The following LETM2 variants were observed in gnomAD, a reference collection of about 807,000 sequenced individuals.
The protein encoded by LETM2 is LETM1 domain-containing protein LETM2, mitochondrial.
LETM2 carries 58 observed loss-of-function variants against 59.6 expected under a neutral mutation model. The ratio of observed to expected loss-of-function variants is 0.97; its 90% CI spans 0.79 to 1.21. The LOEUF (loss-of-function observed/expected upper bound fraction) is 1.21, where lower values mean the gene tolerates loss of function less well. Among genes scored for constraint, LETM2 ranks in the 50% most tolerant of loss-of-function variants. The probability of loss-of-function intolerance (pLI) is 0.00; values close to 1 mark genes in which losing one functional copy is unlikely to be tolerated. For missense variants in LETM2, 572 were observed against 575.7 expected, an observed-to-expected ratio of 0.99 and a Z score of 0.07; for synonymous variants, 199 against 214.1, an observed-to-expected ratio of 0.93 and a Z score of 0.62.
In LETM2 at chr8:38,397,261, C is replaced by T. The variant is rs895600723; in HGVS notation, c.646-3011C>T. On this transcript the variant is annotated intron_variant, in intron 4 of 10. Coordinates refer to ENST00000379957, the MANE Select transcript of LETM2 (RefSeq NM_001286819.2). ...GCACAATCTTGGCTCACTGCAACCTCCGCCTCCCGGATGCAAGCAATTCTC... is the reference window on the plus strand; with the variant it reads ...GCACAATCTTGGCTCACTGCAACCTTCGCCTCCCGGATGCAAGCAATTCTC... The T allele has an allele frequency of 1.7e-5, 7 of 404,642 alleles. 1 individual carries two copies. The highest frequency in any genetic ancestry group is 3.4e-5 in the Non-Finnish European group (7 of 204,062). 25.1% of individuals were successfully genotyped at this position (404,642 alleles called of 1,614,324 possible). A position where few individuals can be genotyped will look rare whatever the true frequency, so the allele number is the denominator to read the frequency against.
chr8:38,394,315 C>A, intron 4 of LETM2, 74 bp downstream of exon 4: 1 of 814,218 alleles, frequency 1.2e-6, no homozygotes, highest in Non-Finnish European at 1.8e-6. Context: ...AAAACTTGGG[C>A]AGAAAGTACT....
In LETM2 at chr8:38,392,776, G is replaced by A; in HGVS notation, c.282G>A (p.Glu94=). 6.2e-7 allele frequency: 1 copy of A among 1,614,092 alleles called. No individual in the cohort carries two copies. The highest frequency in any genetic ancestry group is 8.5e-7 in the Non-Finnish European group (1 of 1,180,022). Residue 94 remains glutamate (E), a synonymous_variant, in exon 3 of 11, where the codon GAG becomes GAA. Transcript: ENST00000379957. ...LQEVPGKPQL[E]QATKHPQVTS... ...AAGTTCCTGGCAAACCTCAGCTGGA[G>A]CAAGCCACAAAACATCCACAGGTGA...
chr8:38,404,712 G>A, intron 8 of LETM2: 2 of 527,774 alleles, frequency 3.8e-6, no homozygotes, highest in Non-Finnish European at 6.8e-6. Flanking sequence ...AGGCACAGTG[G>A]CTTACGCCTG....
Position 38,408,282 on chromosome 8 carries a change from C to T in LETM2, c.*8C>T, listed in dbSNP as rs1813902951. On this transcript the variant is annotated 3_prime_UTR_variant, in exon 11 of 11. Transcript: ENST00000379957. ...AGTTCAAAAGGAGCATAAAGGACTA[C>T]TTGAGGATGGAGCTCACTCTCTTCA... The T allele has an allele frequency of 2.5e-6, 4 of 1,577,968 alleles. No homozygotes were observed. The highest frequency in any genetic ancestry group is 2.6e-6 in the Non-Finnish European group (3 of 1,147,302).
At chr8:38,383,950 C>A (rs892989085), upstream of LETM2, among the ~76,000 whole-genome samples, 1 of 150,628 alleles carries the variant, frequency 6.6e-6, no homozygotes. Context: ...AAAAAAATCT[C>A]ATTACTATTA....
chr8:38,401,547 G>T (rs1424628802), intron 6 of LETM2: 2 of 167,280 alleles, frequency 1.2e-5, no homozygotes, highest in African/African-American at 4.8e-5. Context: ...TTGAGGAGTT[G>T]TCATCCCCTT....
At chr8:38,391,714 C>T (rs1187776823) in intron 2 of LETM2, among the ~76,000 whole-genome samples, 4 of 147,448 alleles carry the variant, frequency 2.7e-5, no homozygotes, top group Non-Finnish European at 4.5e-5. Context: ...TTTTTTGAGA[C>T]GGTGTCTTGT....
chr8:38,385,103 A>G (rs1446632666), upstream of LETM2, among the ~76,000 whole-genome samples: 1 of 152,254 alleles, frequency 6.6e-6, no homozygotes, highest in East Asian at 1.9e-4. Context: ...ACGTGAAGTG[A>G]AACCTTTATG....
Position 38,402,577 on chromosome 8 carries a change from C to T in LETM2, c.1037C>T (p.Ala346Val), listed in dbSNP as rs199861550. The change falls in exon 7 of 11, where the codon GCC (alanine) becomes GTC (valine). Residue 346 changes from alanine (A) to valine (V), a missense_variant. Coordinates refer to ENST00000379957, the MANE Select transcript of LETM2 (RefSeq NM_001286819.2). ...TALSVSELQA[A>V]CRARGMRSLG... is the part of the protein sequence containing the mutation. ...TTGAGTGTATCAGAACTACAGGCTGCCTGTAGGGCCCGAGGGATGAGATCA... is the reference window on the plus strand; with the variant it reads ...TTGAGTGTATCAGAACTACAGGCTGTCTGTAGGGCCCGAGGGATGAGATCA... The T allele has an allele frequency of 2.5e-6, 4 of 1,613,956 alleles. No individual in the cohort carries two copies. Among genetic ancestry groups the T allele is most frequent in the Admixed American group, 3.3e-5 (2 of 60,022 alleles).
chr8:38,402,259 A>G (rs1255777616), intron 6 of LETM2, among the ~76,000 whole-genome samples: 2 of 152,352 alleles, frequency 1.3e-5, no homozygotes, highest in South Asian at 2.1e-4. Flanking sequence ...GACAAAATGC[A>G]GATCAAAAAG....
intron 4 of LETM2, among the ~76,000 whole-genome samples, chr8:38,394,737 G>A (rs1812553387): frequency 6.6e-6 from 1 of 151,686 alleles, no homozygotes; most frequent in Admixed American, 6.6e-5. Context: ...AGCTCCTTGG[G>A]AGGCTGAAGC....
At chr8:38,393,273 G>A (rs991502109) in intron 3 of LETM2, 7 of 310,596 alleles carry the variant, frequency 2.3e-5, no homozygotes, top group Admixed American at 9.2e-5. Context: ...AGTTATAATT[G>A]TGTTTTTTAA....
At chr8:38,405,561 C>T (rs531113206) in intron 8 of LETM2, among the ~76,000 whole-genome samples, 1 of 152,314 alleles carries the variant, frequency 6.6e-6, no homozygotes, top group South Asian at 2.1e-4. Flanking sequence ...CTTCAGGAAA[C>T]ACCATCTTGC....
chr8:38,388,303 C>A (rs1319117327), intron 2 of LETM2, among the ~76,000 whole-genome samples: 3 of 151,752 alleles, frequency 2.0e-5, no homozygotes, highest in Non-Finnish European at 2.9e-5. Context: ...TGCTCTGGAA[C>A]TCCTGACCTT....
intron 6 of LETM2, among the ~76,000 whole-genome samples, chr8:38,402,128 G>A (rs1023313194): frequency 8.5e-5 from 13 of 152,152 alleles, no homozygotes. Context: ...GTGTTGGGGG[G>A]ACAGCAGGGG....
rs1813778167 is a variant in LETM2, at chr8:38,407,027, A to C, written c.1300A>C (p.Lys434Gln). ...ENMVDLAPQL[K>Q]GTKDEDFIQP... ...CATGGTGGATCTTGCACCTCAACTG[A>C]AGGGAACTAAGGTTAGACAGTTACT... Residue 434 changes from lysine to glutamine, a missense_variant, in exon 9 of 11, where the codon AAG (lysine) becomes CAG (glutamine). Coordinates refer to ENST00000379957, the MANE Select transcript of LETM2 (RefSeq NM_001286819.2). The C allele has an allele frequency of 6.3e-7, 1 of 1,597,576 alleles. No individual in the cohort carries two copies. The highest frequency in any genetic ancestry group is 2.2e-5 in the East Asian group (1 of 44,766).
rs1467062868 is a variant in LETM2 at position 38,407,347 on chromosome 8, G to C, written c.1312-15G>C. ...TTTTAAATCAGTAACCCAACTCTCA[G>C]TTCTGATGTTTAAGGATGAAGACTT... On this transcript the variant is annotated splice_polypyrimidine_tract_variant and intron_variant, in intron 9 of 10. Transcript: ENST00000379957. 1 of 1,566,064 alleles carries C rather than the reference G, an allele frequency of 6.4e-7. No homozygotes were observed. Among genetic ancestry groups the C allele is most frequent in the South Asian group, 1.1e-5 (1 of 90,056 alleles).
At position 38,400,337 on chromosome 8, in the gene LETM2, G is replaced by T; in HGVS notation, c.711G>T (p.Met237Ile). 6.2e-7 allele frequency: 1 copy of T among 1,613,504 alleles called. No homozygotes were observed. The highest frequency in any genetic ancestry group is 8.5e-7 in the Non-Finnish European group (1 of 1,179,700). The change falls in exon 5 of 11, where the codon ATG (methionine) becomes ATT (isoleucine). Residue 237 changes from methionine to isoleucine, a missense_variant. Coordinates refer to ENST00000379957, the MANE Select transcript of LETM2 (RefSeq NM_001286819.2). ...TAGCAAAATTTCTTCAAGAAACCAT[G>T]ACAGAAATGGCAAGGAGGAACAGAG... ...LELAKFLQET[M>I]TEMARRNRAK...
intron 2 of LETM2, among the ~76,000 whole-genome samples, chr8:38,391,181 C>CAAAAAA (rs552521178): frequency 1.9e-5 from 1 of 51,908 alleles, no homozygotes; most frequent in African/African-American, 8.2e-5. Flanking sequence ...CCTCCTGTCT[C>CAAAAAA]AAAAAAAAAA....
Sources: allele counts gnomAD v4.1 joint callset (sites outside exome capture counted in the v4.1 genomes callset), GRCh38; gene constraint gnomAD v4.1.1; transcripts MANE v1.5; gene names NCBI Gene and HGNC (gene_info 2026-07-23, HGNC 2026-07-21).